Variants in IREB2 observed in about 807,000 individuals in gnomAD.
IREB2 encodes iron-responsive element-binding protein 2.
IREB2 carries 39 observed loss-of-function variants against 118.8 expected under a neutral mutation model. That is an observed-to-expected ratio of 0.33 (90% CI 0.25 to 0.43). The LOEUF is 0.43. IREB2 is among the 20% of genes least tolerant of loss of function. The pLI is 1.00. For missense variants in IREB2, 900 were observed against 1,147.3 expected (o/e 0.78, Z 3.11); for synonymous variants, 372 against 392.2 (o/e 0.95, Z 0.61).
chr15:78,487,938 A>G, intron 14 of IREB2, 121 bp downstream of exon 14: 3 of 683,980 alleles, frequency 4.4e-6, no homozygotes, highest in Non-Finnish European at 7.3e-6. Flanking sequence ...TCTTGGCAAT[A>G]GTAACCTGTG....
chr15:78,454,088 G>A (rs954297455), intron 2 of IREB2, among the ~76,000 whole-genome samples: 3 of 152,168 alleles, frequency 2.0e-5, no homozygotes, highest in African/African-American at 7.2e-5. Context: ...CACTGCTAGT[G>A]GGAATGTAAA....
chr15:78,482,308 G>A (rs2051588072), intron 10 of IREB2, among the ~76,000 whole-genome samples: 1 of 152,162 alleles, frequency 6.6e-6, no homozygotes, highest in Non-Finnish European at 1.5e-5. Flanking sequence ...ATAAAATAAT[G>A]TTGAAAGCCA....
Position 78,449,902 on chromosome 15 carries a change from G to A in IREB2, c.106+10021G>A, listed in dbSNP as rs143725637. Among the ~76,000 whole-genome samples the A allele has an allele frequency of 1.5e-3, 227 of 152,204 alleles. 6 individuals are homozygous for A. The East Asian group carries it at 0.039, about 26-fold the overall frequency. On this transcript the variant is annotated intron_variant, in intron 2 of 21. Transcript: ENST00000258886. ...GCTTATTTTAGAAGTGTGATGACAC[G>A]AATTACTATACTAAACCAGTTTAAA...
At position 78,438,349 on chromosome 15, in the gene IREB2, A is replaced by C; in HGVS notation, c.12A>C (p.Pro4=). The change falls in exon 1 of 22, where the codon CCA becomes CCC. Residue 4 remains proline, a synonymous_variant. Transcript: ENST00000258886. MDA[P]KAGYAFEYLI... is the part of the protein sequence containing the mutation. The stretch of plus-strand genomic sequence containing the variant: ...TATGGTCTCCGGCGATGGACGCCCC[A>C]AAAGCAGGTCAGTTTCGGGCCTCCG... 3 of 1,597,004 alleles carry C rather than the reference A, an allele frequency of 1.9e-6. No individual in the cohort carries two copies. The highest frequency in any genetic ancestry group is 2.6e-6 in the Non-Finnish European group (3 of 1,172,770).
intron 18 of IREB2, among the ~76,000 whole-genome samples, chr15:78,492,677 A>G (rs943731678): frequency 1.3e-5 from 2 of 151,962 alleles, no homozygotes; most frequent in Non-Finnish European, 2.9e-5. Context: ...CTCCTGTCTC[A>G]CCCTCCTGAG....
At chr15:78,493,764 T>C (rs1202164287) in intron 18 of IREB2, 145 bp from the exon 19 acceptor site, 3 of 624,958 alleles carry the variant, frequency 4.8e-6, no homozygotes, top group African/African-American at 3.7e-5. Context: ...AGCTTGGTGA[T>C]AGGCGCATGG....
chr15:78,496,980 A>C, intron 20 of IREB2, 146 bp from the exon 21 acceptor site: 1 of 627,962 alleles, frequency 1.6e-6, no homozygotes, highest in Non-Finnish European at 2.8e-6. Context: ...AGGTTCTGTA[A>C]ATACTTTGAT....
intron 10 of IREB2, among the ~76,000 whole-genome samples, chr15:78,482,295 G>A (rs181307269): frequency 3.5e-4 from 53 of 152,204 alleles, no homozygotes; most frequent in Admixed American, 1.1e-3. Flanking sequence ...AATAAACAGG[G>A]ATATAAAATA....
At position 78,462,905 on chromosome 15, in the gene IREB2, A is replaced by G; in HGVS notation, c.107-17A>G. ...TATGACTGTTTGCTTATTAATAGTAATATTTTCTTGAATCAGATGTTCTGC... is the reference window on the plus strand; with the variant it reads ...TATGACTGTTTGCTTATTAATAGTAGTATTTTCTTGAATCAGATGTTCTGC... On this transcript the variant is annotated splice_polypyrimidine_tract_variant and intron_variant, in intron 2 of 21. Coordinates refer to ENST00000258886, the MANE Select transcript of IREB2 (RefSeq NM_004136.4). 2 of 1,561,500 alleles carry G rather than the reference A, an allele frequency of 1.3e-6. No homozygotes were observed. Among genetic ancestry groups the G allele is most frequent in the Non-Finnish European group, 1.7e-6 (2 of 1,156,956 alleles).
intron 9 of IREB2, 83 bp downstream of exon 9, chr15:78,476,442 A>G (rs1462614001): frequency 5.1e-6 from 5 of 979,306 alleles, no homozygotes; most frequent in Non-Finnish European, 5.7e-6. Context: ...TACCTTATCC[A>G]TGTTATTTAC....
chr15:78,467,634 G>A (rs2051305756), intron 5 of IREB2, among the ~76,000 whole-genome samples: 2 of 151,898 alleles, frequency 1.3e-5, no homozygotes, highest in South Asian at 4.1e-4. Context: ...GGATCACAGT[G>A]AGCCGAGATC....
intron 7 of IREB2, among the ~76,000 whole-genome samples, chr15:78,472,834 CT>C (rs1167944298): frequency 6.6e-6 from 1 of 152,170 alleles, no homozygotes; most frequent in Non-Finnish European, 1.5e-5. Context: ...GTGTACCTCA[CT>C]TTGTAAGCTT....
chr15:78,470,562 A>C lies in IREB2; in HGVS notation c.660A>C (p.Val220=). The change falls in exon 6 of 22, where the codon GTA becomes GTC. Residue 220 remains valine (V), a synonymous_variant. Transcript: ENST00000258886. ...AAACAGTGTTAAAAAATCAAGAAGT[A>C]GAATTCGGCAGAAATCGAGAGAGGC... ...EPETVLKNQE[V]EFGRNRERLQ... 1 of 1,595,870 alleles carries C rather than the reference A, an allele frequency of 6.3e-7. No homozygotes were observed. The highest frequency in any genetic ancestry group is 8.6e-7 in the Non-Finnish European group (1 of 1,167,864).
In IREB2 at chr15:78,439,833, A is replaced by G. The variant is rs780058405; in HGVS notation, c.58A>G (p.Ser20Gly). ...FEYLIETLND[S>G]SHKKFFDVSK... ...GTACCTTATTGAAACATTAAATGAC[A>G]GTTCACATAAGAAGTTCTTCGATGT... The change falls in exon 2 of 22, where the codon AGT becomes GGT. Residue 20 changes from serine to glycine, a missense_variant. Ser to Gly is a moderately conservative substitution (Grantham distance 56). Transcript: ENST00000258886. The G allele has an allele frequency of 6.3e-7, 1 of 1,599,674 alleles. No individual in the cohort carries two copies. Among genetic ancestry groups the G allele is most frequent in the Non-Finnish European group, 8.5e-7 (1 of 1,173,340 alleles).
chr15:78,462,892 CT>C (rs756095130), intron 2 of IREB2, 29 bp from the exon 3 acceptor site: 1 of 1,527,508 alleles, frequency 6.5e-7, no homozygotes, highest in Non-Finnish European at 8.8e-7. Context: ...TGACTGTTTG[CT>C]TATTAATAGT....
At chr15:78,475,089 A>G (rs12592081) in intron 8 of IREB2, 7 of 148,620 alleles carry the variant, frequency 4.7e-5, no homozygotes, top group Admixed American at 1.3e-4. Context: ...AAAAAAAACC[A>G]TAAATGAGGA....
At chr15:78,458,672 C>T (rs1293458797) in intron 2 of IREB2, among the ~76,000 whole-genome samples, 1 of 152,192 alleles carries the variant, frequency 6.6e-6, no homozygotes, top group Admixed American at 6.5e-5. Context: ...TAGCACCTGC[C>T]ACTGTTTCTA....
chr15:78,439,324 A>C (rs1276442968), intron 1 of IREB2, among the ~76,000 whole-genome samples: 1 of 150,598 alleles, frequency 6.6e-6, no homozygotes, highest in African/African-American at 2.4e-5. Context: ...TCCGTCTTTT[A>C]GTTTTTTTTT....
chr15:78,466,674 A>C (rs1173062131), intron 5 of IREB2, among the ~76,000 whole-genome samples, 185 bp downstream of exon 5: 1 of 152,182 alleles, frequency 6.6e-6, no homozygotes, highest in Non-Finnish European at 1.5e-5. Flanking sequence ...GTGATCTCTA[A>C]GTACCATTCT....
Sources: gnomAD v4.1 joint callset for allele counts (sites outside exome capture counted in the v4.1 genomes callset) on GRCh38, gnomAD v4.1.1 for gene constraint, MANE v1.5 for transcripts, NCBI Gene and HGNC (gene_info 2026-07-23, HGNC 2026-07-21) for gene names.